ALMS1: variants seen among roughly 807,000 people sequenced by gnomAD.
ALMS1 encodes the protein ALMS1 centrosome and basal body associated protein.
A neutral mutation model predicts 352.2 loss-of-function variants in ALMS1; 271 were observed. That is an observed-to-expected ratio of 0.77 (90% CI 0.70 to 0.85). The LOEUF (loss-of-function observed/expected upper bound fraction) is 0.85, where lower values mean the gene tolerates loss of function less well. Ranked by LOEUF, ALMS1 falls within the 40% of genes least tolerant of loss-of-function variation. ALMS1 has a pLI of 0.00. For synonymous variants in ALMS1, 1,865 were observed against 1,761.2 expected, an observed-to-expected ratio of 1.06 and a Z score of -1.48; for missense variants, 5,445 against 4,870.7, an observed-to-expected ratio of 1.12 and a Z score of -3.51.
intron 16 of ALMS1, among the ~76,000 whole-genome samples, chr2:73,578,632 A>G (rs1393886421): frequency 6.6e-6 from 1 of 152,132 alleles, no homozygotes; most frequent in East Asian, 1.9e-4. Flanking sequence ...ATATACAAAC[A>G]CTGTTGTTAA....
chr2:73,520,251 CTT>C (rs1673649467), intron 11 of ALMS1, among the ~76,000 whole-genome samples: 1 of 152,112 alleles, frequency 6.6e-6, no homozygotes, highest in South Asian at 2.1e-4. Flanking sequence ...TGTGTTAAAA[CTT>C]AGTTTTGTCT....
At chr2:73,543,756 A>G (rs902925595) in intron 12 of ALMS1, among the ~76,000 whole-genome samples, 2 of 152,234 alleles carry the variant, frequency 1.3e-5, no homozygotes, top group African/African-American at 2.4e-5. Context: ...GCCAACAGAC[A>G]TGAAAAAATG....
At chr2:73,602,434 A>G in intron 20 of ALMS1, 66 bp downstream of exon 20, 1 of 1,596,694 alleles carries the variant, frequency 6.3e-7, no homozygotes, top group Non-Finnish European at 8.6e-7. Context: ...GCTCTGCTGC[A>G]GAGCCCTGCT....
At chr2:73,401,885 A>G (rs1235613649) in intron 1 of ALMS1, among the ~76,000 whole-genome samples, 1 of 152,138 alleles carries the variant, frequency 6.6e-6, no homozygotes, top group Non-Finnish European at 1.5e-5. Flanking sequence ...CTTGACTTTA[A>G]AAAATAGATT....
In ALMS1 at chr2:73,609,703, C is replaced by A; in HGVS notation, c.*91C>A. On this transcript the variant is annotated 3_prime_UTR_variant, in exon 23 of 23. Coordinates refer to ENST00000613296, the MANE Select transcript of ALMS1 (RefSeq NM_001378454.1). ...CTTTTGTGAGTCTGGTTGAATAAAG[C>A]TTATTCTTTGTCCATGTGTATTTTA... 1 of 1,271,702 alleles carries A rather than the reference C, an allele frequency of 7.9e-7. No homozygotes were observed. Among genetic ancestry groups the A allele is most frequent in the Non-Finnish European group, 1.1e-6 (1 of 870,868 alleles). The allele number at this position is 1,271,702 out of a possible 1,614,324, so 78.8% of individuals were successfully genotyped here.
intron 7 of ALMS1, among the ~76,000 whole-genome samples, chr2:73,441,810 G>A (rs925442023): frequency 1.3e-5 from 2 of 152,012 alleles, no homozygotes; most frequent in Non-Finnish European, 2.9e-5. Context: ...TTCTAGGGAA[G>A]TGGAGGGAAA....
intron 16 of ALMS1, among the ~76,000 whole-genome samples, chr2:73,583,402 C>G (rs946242008): frequency 2.0e-5 from 3 of 151,968 alleles, no homozygotes; most frequent in Non-Finnish European, 2.9e-5. Context: ...TATGTTAACC[C>G]CTTCTCAGAT....
At chr2:73,444,612 A>G (rs1671772990) in intron 7 of ALMS1, among the ~76,000 whole-genome samples, 1 of 152,200 alleles carries the variant, frequency 6.6e-6, no homozygotes. Flanking sequence ...GTGCCCTATT[A>G]TCTTTTGAAA....
Position 73,572,302 on chromosome 2 carries a change from T to C in ALMS1, c.10425T>C (p.Ser3475=), listed in dbSNP as rs767283952. 3 of 1,607,298 alleles carry C rather than the reference T, an allele frequency of 1.9e-6. No individual in the cohort carries two copies. Among genetic ancestry groups the C allele is most frequent in the Non-Finnish European group, 2.5e-6 (3 of 1,177,774 alleles). Residue 3475 remains serine (S), a synonymous_variant, in exon 16 of 23, where the codon TCT becomes TCC. Coordinates refer to ENST00000613296, the MANE Select transcript of ALMS1 (RefSeq NM_001378454.1). The part of the protein sequence containing the change: ...CHSEFENTTR[S]VFRSAKFYIH... Reference sequence around the variant, plus strand: ...CAGAATTTGAAAATACTACCCGTTCTGTCTTCAGGTCAGCAAAGTTTTACA... The same window carrying C: ...CAGAATTTGAAAATACTACCCGTTCCGTCTTCAGGTCAGCAAAGTTTTACA...
intron 10 of ALMS1, among the ~76,000 whole-genome samples, chr2:73,493,627 C>T (rs868407419): frequency 6.6e-6 from 1 of 151,782 alleles, no homozygotes; most frequent in African/African-American, 2.4e-5. Context: ...GAGGCTAAGG[C>T]AGGAGAATCG....
chr2:73,482,614 C>T (rs1362571909), intron 9 of ALMS1, among the ~76,000 whole-genome samples: 1 of 152,124 alleles, frequency 6.6e-6, no homozygotes, highest in Admixed American at 6.5e-5. Flanking sequence ...GGGAGGATTC[C>T]CTCTTTTTCC....
Position 73,451,498 on chromosome 2 carries a change from A to G in ALMS1, c.4971A>G (p.Thr1657=), listed in dbSNP as rs780637359. ...APGPADQKTE[T]LPVHSTSYSN... ...GACCAGCTGACCAGAAGACTGAGAC[A>G]TTACCAGTACATTCTACTAGCTACT... Residue 1657 remains threonine, a synonymous_variant, in exon 8 of 23, where the codon ACA becomes ACG. Transcript: ENST00000613296. 1.9e-6 allele frequency: 3 copies of G among 1,614,048 alleles called. No homozygotes were observed. The highest frequency in any genetic ancestry group is 2.5e-6 in the Non-Finnish European group (3 of 1,179,964).
chr2:73,480,935 C>G (rs1368629578), intron 9 of ALMS1, among the ~76,000 whole-genome samples: 1 of 146,264 alleles, frequency 6.8e-6, no homozygotes, highest in African/African-American at 2.6e-5. Context: ...TTGTTTTTTT[C>G]TTGTAAATTT....
intron 1 of ALMS1, among the ~76,000 whole-genome samples, chr2:73,391,982 A>G (rs538134683): frequency 6.6e-6 from 1 of 152,120 alleles, no homozygotes; most frequent in Admixed American, 6.5e-5. Flanking sequence ...TCTTTTCAGT[A>G]AGGGTTTCTA....
chr2:73,452,609 T>C lies in ALMS1; in HGVS notation c.6082T>C (p.Ser2028Pro), dbSNP rs149096794. 2.8e-4 allele frequency: 445 copies of C among 1,614,070 alleles called. 4 individuals carry two copies. In the African/African-American group the frequency reaches 5.2e-3, roughly 19 times the overall value. The change falls in exon 8 of 23, where the codon TCA (serine) becomes CCA (proline). Residue 2028 changes from serine (S) to proline (P), a missense_variant. By Grantham distance (74) the Ser-to-Pro change is moderately conservative. Transcript: ENST00000613296. ...SYSQIEKPKI[S>P]TVIGPNDQKT... is the part of the protein sequence containing the mutation. ...CTCACAAATAGAGAAGCCCAAGATT[T>C]CAACTGTGATTGGACCAAATGACCA...
intron 16 of ALMS1, among the ~76,000 whole-genome samples, chr2:73,580,158 G>A (rs551714395): frequency 1.3e-5 from 2 of 152,052 alleles, no homozygotes; most frequent in South Asian, 2.1e-4. Flanking sequence ...AGCTCACTGC[G>A]GCGTCGAACT....
At chr2:73,545,171 AT>A (rs1431994147) in intron 12 of ALMS1, among the ~76,000 whole-genome samples, 5 of 148,972 alleles carry the variant, frequency 3.4e-5, no homozygotes, top group African/African-American at 5.0e-5. Context: ...AAAATGATTA[AT>A]TTTTTGTGGT....
intron 10 of ALMS1, among the ~76,000 whole-genome samples, chr2:73,506,413 C>T (rs1172943767): frequency 6.6e-6 from 1 of 152,160 alleles, no homozygotes; most frequent in African/African-American, 2.4e-5. Context: ...TTCTTCCTAT[C>T]CATGAGCATG....
intron 9 of ALMS1, among the ~76,000 whole-genome samples, chr2:73,486,831 C>G (rs1034205931): frequency 6.6e-6 from 1 of 152,136 alleles, no homozygotes; most frequent in East Asian, 1.9e-4. Flanking sequence ...AGGAGGATCC[C>G]TTGAATCCAG....
Sources: gnomAD v4.1 joint callset for allele counts (sites outside exome capture counted in the v4.1 genomes callset) on GRCh38, gnomAD v4.1.1 for gene constraint, MANE v1.5 for transcripts, NCBI Gene and HGNC (gene_info 2026-07-23, HGNC 2026-07-21) for gene names.